Variants in ST8SIA2 observed in about 807,000 individuals in gnomAD.
The protein encoded by ST8SIA2 is ST8 alpha-N-acetyl-neuraminide alpha-2,8-sialyltransferase 2.
Under a neutral mutation model 37.6 loss-of-function variants are expected in ST8SIA2, and 22 were observed. That is an observed-to-expected ratio of 0.58 (90% CI 0.42 to 0.83). ST8SIA2 has a LOEUF of 0.83. Ranked by LOEUF, ST8SIA2 falls within the 40% of genes least tolerant of loss-of-function variation. The pLI is 0.00. For missense variants in ST8SIA2, 382 were observed against 484.7 expected (o/e 0.79, Z 1.99); for synonymous variants, 205 against 201.2 (o/e 1.02, Z -0.16).
intron 1 of ST8SIA2, among the ~76,000 whole-genome samples, chr15:92,397,985 T>C (rs1358136311): frequency 6.6e-6 from 1 of 151,966 alleles, no homozygotes; most frequent in Non-Finnish European, 1.5e-5. Context: ...GTACAAAAAT[T>C]AGCCAGGCAT....
At chr15:92,436,359 G>A in intron 3 of ST8SIA2, among the ~76,000 whole-genome samples, 1 of 152,036 alleles carries the variant, frequency 6.6e-6, no homozygotes, top group East Asian at 1.9e-4. Context: ...CCCTTGTGAA[G>A]ACGAGACTGT....
At chr15:92,409,679 C>T (rs777012066) in intron 1 of ST8SIA2, among the ~76,000 whole-genome samples, 13 of 152,304 alleles carry the variant, frequency 8.5e-5, no homozygotes, top group African/African-American at 1.7e-4. Context: ...CTGTGTGCCA[C>T]GAGCCACCCT....
intron 5 of ST8SIA2, among the ~76,000 whole-genome samples, chr15:92,451,147 G>A (rs1183852780): frequency 6.6e-6 from 1 of 152,202 alleles, no homozygotes; most frequent in African/African-American, 2.4e-5. Context: ...TCATTTGTAT[G>A]AGGCCACCCA....
At position 92,465,017 on chromosome 15, in the gene ST8SIA2, G is replaced by C. The variant is rs2049982576; in HGVS notation, c.*632G>C. On this transcript the variant is annotated 3_prime_UTR_variant, in exon 6 of 6. Transcript: ENST00000268164. ...ACGAATGACTCACATGTTTCAGACAGGCCTCCACGGCTATGGAGAGAAGGC... is the reference window on the plus strand; with the variant it reads ...ACGAATGACTCACATGTTTCAGACACGCCTCCACGGCTATGGAGAGAAGGC... 1 of 153,732 alleles carries C rather than the reference G, an allele frequency of 6.5e-6. No homozygotes were observed. The highest frequency in any genetic ancestry group is 2.4e-5 in the African/African-American group (1 of 41,430). 9.5% of individuals were successfully genotyped at this position (153,732 alleles called of 1,614,324 possible). A position where few individuals can be genotyped will look rare whatever the true frequency, so the allele number is the denominator to read the frequency against.
At chr15:92,416,575 G>A (rs1008830001) in intron 1 of ST8SIA2, among the ~76,000 whole-genome samples, 2 of 152,176 alleles carry the variant, frequency 1.3e-5, no homozygotes, top group Non-Finnish European at 2.9e-5. Context: ...GAGGCGGGAA[G>A]TCTATGGCCT....
chr15:92,399,635 G>GGT (rs1159940598), intron 1 of ST8SIA2, among the ~76,000 whole-genome samples: 2 of 152,138 alleles, frequency 1.3e-5, no homozygotes, highest in Non-Finnish European at 2.9e-5. Context: ...CCCTAGTACT[G>GGT]GTGTACTTCA....
chr15:92,436,629 T>C (rs904256907), intron 3 of ST8SIA2, among the ~76,000 whole-genome samples: 9 of 152,194 alleles, frequency 5.9e-5, no homozygotes, highest in African/African-American at 2.2e-4. Context: ...GGGTAAGTAA[T>C]TGCAAAGGTT....
chr15:92,448,425 A>C (rs375224951), intron 5 of ST8SIA2, among the ~76,000 whole-genome samples: 23 of 152,276 alleles, frequency 1.5e-4, no homozygotes, highest in African/African-American at 5.3e-4. Context: ...CTGGGGAGGG[A>C]TGCAGTACAA....
chr15:92,449,559 C>CT (rs1385490523), intron 5 of ST8SIA2, among the ~76,000 whole-genome samples: 1 of 152,196 alleles, frequency 6.6e-6, no homozygotes, highest in East Asian at 1.9e-4. Context: ...AGTAGTTCTA[C>CT]TTTCCTTGCA....
chr15:92,449,484 T>C (rs1253048911), intron 5 of ST8SIA2, among the ~76,000 whole-genome samples: 2 of 152,346 alleles, frequency 1.3e-5, no homozygotes, highest in East Asian at 3.8e-4. Flanking sequence ...AGTGCATGTG[T>C]CTTTTGGTAG....
At chr15:92,395,214 C>T (rs1318616972) in intron 1 of ST8SIA2, among the ~76,000 whole-genome samples, 1 of 152,220 alleles carries the variant, frequency 6.6e-6, no homozygotes, top group South Asian at 2.1e-4. Flanking sequence ...GGTGAGGTCT[C>T]AAAGAGGGCA....
intron 1 of ST8SIA2, among the ~76,000 whole-genome samples, chr15:92,405,484 A>G (rs2049501801): frequency 6.6e-6 from 1 of 152,270 alleles, no homozygotes. Context: ...ATTGCATGTT[A>G]TGTGTATTTT....
intron 1 of ST8SIA2, among the ~76,000 whole-genome samples, chr15:92,418,372 G>A (rs1307000371): frequency 6.7e-6 from 1 of 149,802 alleles, no homozygotes; most frequent in African/African-American, 2.5e-5. Context: ...TGAGGTGGGA[G>A]AATCAGCTGA....
At chr15:92,401,219 A>T (rs868761041) in intron 1 of ST8SIA2, among the ~76,000 whole-genome samples, 1 of 152,286 alleles carries the variant, frequency 6.6e-6, no homozygotes. Context: ...CGTGGGGACA[A>T]GCTCATCTTC....
chr15:92,457,683 G>C (rs2049929431), intron 5 of ST8SIA2, among the ~76,000 whole-genome samples: 2 of 152,210 alleles, frequency 1.3e-5, no homozygotes, highest in Admixed American at 1.3e-4. Flanking sequence ...CAACGGAGGA[G>C]AGATAAAGGA....
intron 1 of ST8SIA2, among the ~76,000 whole-genome samples, chr15:92,413,555 A>C (rs992801065): frequency 1.3e-5 from 2 of 152,148 alleles, no homozygotes; most frequent in Non-Finnish European, 1.5e-5. Flanking sequence ...GTGGGTGGGT[A>C]GTTTCCGCGC....
chr15:92,458,565 C>A (rs2049935331), intron 5 of ST8SIA2, among the ~76,000 whole-genome samples: 1 of 152,192 alleles, frequency 6.6e-6, no homozygotes, highest in Admixed American at 6.5e-5. Context: ...GAAAGCATCC[C>A]TTCCGTCTCT....
chr15:92,419,110 G>C (rs1163692097), intron 1 of ST8SIA2, among the ~76,000 whole-genome samples: 1 of 152,114 alleles, frequency 6.6e-6, no homozygotes, highest in Non-Finnish European at 1.5e-5. Context: ...GGGAGCCCCA[G>C]TTCACCTCTC....
intron 5 of ST8SIA2, among the ~76,000 whole-genome samples, chr15:92,462,139 G>C (rs184169566): frequency 6.6e-6 from 1 of 152,166 alleles, no homozygotes. Context: ...CGGGAGAATC[G>C]TGTTCACTCC....
Sources: allele counts gnomAD v4.1 joint callset (sites outside exome capture counted in the v4.1 genomes callset), GRCh38; gene constraint gnomAD v4.1.1; transcripts MANE v1.5; gene names NCBI Gene and HGNC (gene_info 2026-07-23, HGNC 2026-07-21).